NAV3: variants seen among roughly 807,000 people sequenced by gnomAD.
NAV3 encodes neuron navigator 3, also known as pore membrane and/or filament interacting like protein 1.
NAV3 carries 87 observed loss-of-function variants against 244.7 expected under a neutral mutation model. That is an observed-to-expected ratio of 0.36 (90% CI 0.30 to 0.42). NAV3 has a LOEUF of 0.42. Ranked by LOEUF, NAV3 falls within the 20% of genes least tolerant of loss-of-function variation. NAV3 has a pLI of 1.00. For missense variants in NAV3, 2,663 were observed against 2,893.3 expected, an observed-to-expected ratio of 0.92 and a Z score of 1.83; for synonymous variants, 1,126 against 1,042.2, an observed-to-expected ratio of 1.08 and a Z score of -1.55.
At chr12:78,153,771 G>C (rs1045175430) in intron 22 of NAV3, among the ~76,000 whole-genome samples, 7 of 151,952 alleles carry the variant, frequency 4.6e-5, no homozygotes, top group African/African-American at 1.4e-4. Context: ...GGTATTTTGA[G>C]ATTGTGTTCT....
chr12:78,167,547 A>G (rs1438527769), intron 23 of NAV3, among the ~76,000 whole-genome samples: 1 of 151,578 alleles, frequency 6.6e-6, no homozygotes, highest in Non-Finnish European at 1.5e-5. Context: ...CTAAGGTTAG[A>G]ATAGTCACCA....
upstream of NAV3, among the ~76,000 whole-genome samples, chr12:77,826,524 A>G (rs1368451298): frequency 6.6e-5 from 10 of 152,200 alleles, no homozygotes; most frequent in African/African-American, 2.4e-4. Flanking sequence ...ACTTTCCCAC[A>G]CTGGAAACAA....
chr12:78,205,880 G>A (rs1960247680), intron 39 of NAV3, among the ~76,000 whole-genome samples: 2 of 152,034 alleles, frequency 1.3e-5, no homozygotes, highest in Admixed American at 1.3e-4. Flanking sequence ...AAAAGATACT[G>A]AAATAAAAAT....
At chr12:77,674,581 A>G (rs1278888212) in intron 2 of NAV3, among the ~76,000 whole-genome samples, 1 of 151,772 alleles carries the variant, frequency 6.6e-6, no homozygotes, top group African/African-American at 2.4e-5. Context: ...ATACAGATGG[A>G]GTTTCACCAC....
At chr12:78,070,481 A>G (rs1952702137) in intron 12 of NAV3, among the ~76,000 whole-genome samples, 1 of 151,314 alleles carries the variant, frequency 6.6e-6, no homozygotes, top group African/African-American at 2.4e-5. Context: ...TTCCAGCTTC[A>G]CTCTTGATCA....
chr12:77,898,182 AT>A (rs1884850363), intron 1 of NAV3, among the ~76,000 whole-genome samples: 1 of 152,220 alleles, frequency 6.6e-6, no homozygotes, highest in African/African-American at 2.4e-5. Context: ...TTTTTATATT[AT>A]ATCATGATTT....
chr12:77,692,344 C>A (rs559195233), intron 2 of NAV3, among the ~76,000 whole-genome samples: 3 of 151,950 alleles, frequency 2.0e-5, no homozygotes, highest in South Asian at 2.1e-4. Context: ...GGAAATAGAC[C>A]AGGACCCAAA....
chr12:78,160,915 C>A (rs1281027329), intron 23 of NAV3, among the ~76,000 whole-genome samples: 2 of 150,700 alleles, frequency 1.3e-5, no homozygotes, highest in Non-Finnish European at 3.0e-5. Flanking sequence ...TGCCTCTTTT[C>A]TATCCTTCCT....
At chr12:77,964,622 A>T (rs554901326) in intron 3 of NAV3, among the ~76,000 whole-genome samples, 5 of 152,282 alleles carry the variant, frequency 3.3e-5, no homozygotes, top group African/African-American at 1.2e-4. Context: ...GGCAGAATGA[A>T]ATATGAAGAA....
chr12:77,756,353 CT>C (rs202018543), intron 2 of NAV3, among the ~76,000 whole-genome samples: 12 of 151,590 alleles, frequency 7.9e-5, no homozygotes, highest in South Asian at 2.1e-4. Context: ...TTAACTGACA[CT>C]TTTTTTTTCC....
intron 2 of NAV3, among the ~76,000 whole-genome samples, chr12:77,578,537 G>A (rs985824458): frequency 1.3e-5 from 2 of 152,162 alleles, no homozygotes; most frequent in African/African-American, 4.8e-5. Flanking sequence ...CCTAAACTAT[G>A]ACACTCTATA....
At chr12:78,012,033 A>T (rs769832571) in intron 8 of NAV3, among the ~76,000 whole-genome samples, 1 of 152,118 alleles carries the variant, frequency 6.6e-6, no homozygotes, top group Non-Finnish European at 1.5e-5. Context: ...CTCCCTCTAC[A>T]CATGGGGATT....
chr12:78,118,972 A>T (rs976746520), intron 14 of NAV3, among the ~76,000 whole-genome samples: 1 of 152,220 alleles, frequency 6.6e-6, no homozygotes, highest in Non-Finnish European at 1.5e-5. Context: ...CTTTTTAAAA[A>T]GAGTTGCAAA....
At chr12:77,815,603 T>A (rs906820254) in intron 2 of NAV3, among the ~76,000 whole-genome samples, 2 of 152,192 alleles carry the variant, frequency 1.3e-5, no homozygotes, top group East Asian at 3.9e-4. Flanking sequence ...TCCAATAAGT[T>A]GAAGCTTTTA....
chr12:77,686,427 T>TC (rs1268610973), intron 2 of NAV3, among the ~76,000 whole-genome samples: 4,863 of 28,474 alleles, frequency 0.17, 95 homozygotes, highest in Middle Eastern at 0.27. Context: ...TTTCTTTCTT[T>TC]TTTTTTTTTT....
At chr12:78,075,074 C>A (rs1426286604) in intron 12 of NAV3, among the ~76,000 whole-genome samples, 1 of 152,150 alleles carries the variant, frequency 6.6e-6, no homozygotes, top group Non-Finnish European at 1.5e-5. Context: ...ATCCTGGCAA[C>A]CTGGTGTGAG....
At chr12:78,084,452 A>G (rs1376339477) in intron 12 of NAV3, among the ~76,000 whole-genome samples, 1 of 151,254 alleles carries the variant, frequency 6.6e-6, no homozygotes, top group Non-Finnish European at 1.5e-5. Context: ...TGTATCACCA[A>G]TTTTTTTTTG....
chr12:77,782,637 AC>A (rs1870722745), intron 2 of NAV3, among the ~76,000 whole-genome samples: 1 of 152,008 alleles, frequency 6.6e-6, no homozygotes, highest in Non-Finnish European at 1.5e-5. Flanking sequence ...AACAATTCAA[AC>A]CTTTTTACAC....
At chr12:77,757,635 C>T (rs1449745296) in intron 2 of NAV3, among the ~76,000 whole-genome samples, 2 of 152,184 alleles carry the variant, frequency 1.3e-5, no homozygotes, top group Non-Finnish European at 2.9e-5. Context: ...AGTTTCACCT[C>T]ACTCCCCTTT....
Sources: gnomAD v4.1 joint callset for allele counts (sites outside exome capture counted in the v4.1 genomes callset) on GRCh38, gnomAD v4.1.1 for gene constraint, MANE v1.5 for transcripts, NCBI Gene and HGNC (gene_info 2026-07-23, HGNC 2026-07-21) for gene names.